The following SRP19 variants were observed in gnomAD, a reference collection of about 807,000 sequenced individuals.
SRP19 encodes the protein signal recognition particle 19.
In SRP19, 11 loss-of-function variants were observed where a neutral mutation model predicts 22.4. The ratio of observed to expected loss-of-function variants is 0.49; its 90% CI spans 0.31 to 0.81. The LOEUF is 0.81. SRP19 is among the 40% of genes least tolerant of loss of function. The pLI, the probability that SRP19 is intolerant of heterozygous loss-of-function variation, is 0.05. For missense variants in SRP19, 168 were observed against 175.9 expected (o/e 0.96, Z 0.25); for synonymous variants, 61 against 57.6 (o/e 1.06, Z -0.27).
chr5:112,878,839 T>C, intron 4 of SRP19: 1 of 1,613,960 alleles, frequency 6.2e-7, no homozygotes, highest in Non-Finnish European at 8.5e-7. Flanking sequence ...TTCTTCGCTG[T>C]TTGTTTGTTA....
chr5:112,888,033 G>A (rs945441390), intron 4 of SRP19, among the ~76,000 whole-genome samples: 2 of 152,106 alleles, frequency 1.3e-5, no homozygotes, highest in African/African-American at 4.8e-5. Flanking sequence ...TAGTTTAAAA[G>A]ATTCTAACCA....
exon 5 of SRP19, chr5:112,891,877 T>A: frequency 7.1e-7 from 1 of 1,415,014 alleles, no homozygotes; most frequent in Non-Finnish European, 1.0e-6. Flanking sequence ...ACATGAGGAG[T>A]GGTTGCTGAG....
downstream of SRP19, among the ~76,000 whole-genome samples, chr5:112,870,442 T>A (rs977180901): frequency 6.6e-6 from 1 of 152,040 alleles, no homozygotes; most frequent in Non-Finnish European, 1.5e-5. Context: ...GATCATGCTA[T>A]TCCACTCACC....
chr5:112,872,622 C>T (rs1042217632), downstream of SRP19, among the ~76,000 whole-genome samples: 4 of 152,096 alleles, frequency 2.6e-5, no homozygotes, highest in East Asian at 1.9e-4. Context: ...CCATTGTGCC[C>T]GGCCTCATCA....
At chr5:112,878,046 G>A (rs1219828651) in intron 4 of SRP19, 1 of 93,318 alleles carries the variant, frequency 1.1e-5, no homozygotes, top group East Asian at 6.0e-4. Context: ...TATCACTAGA[G>A]TGAGTAACTA....
chr5:112,879,826 C>T (rs1012151780), intron 4 of SRP19, among the ~76,000 whole-genome samples: 3 of 151,962 alleles, frequency 2.0e-5, no homozygotes, highest in Non-Finnish European at 2.9e-5. Flanking sequence ...TGCCTGTAAT[C>T]GCAGCACTTT....
In SRP19 at chr5:112,878,808, C is replaced by T. The variant is rs751774620; in HGVS notation, c.302-12795C>T. ...GGTTTAGGTGCTCTTCTTTTCTTCA[C>T]CCAGTAAATTCACGGTAGCTTTCTT... is the stretch of plus-strand genomic sequence containing the variant. On this transcript the variant is annotated intron_variant, in intron 4 of 4. Coordinates refer to the SRP19 transcript ENST00000391338. 3.7e-6 allele frequency: 6 copies of T among 1,614,090 alleles called. No homozygotes were observed. In the East Asian group the frequency reaches 1.3e-4, roughly 36 times the overall value.
chr5:112,864,859 T>C (rs1483515585), intron 4 of SRP19, 127 bp downstream of exon 4: 4 of 652,206 alleles, frequency 6.1e-6, no homozygotes, highest in Non-Finnish European at 1.0e-5. Flanking sequence ...AAGACAGGAC[T>C]ACTGCTCATG....
In SRP19 at chr5:112,878,662, C is replaced by A. The variant is rs1721845990; in HGVS notation, c.302-12941C>A. ...AAAGAAACTTACAACACATTCCAAT[C>A]TTTAATATCTCAAAAATGTTTCCAA... On this transcript the variant is annotated intron_variant, in intron 4 of 4. Transcript: ENST00000391338. 7 of 1,369,298 alleles carry A rather than the reference C, an allele frequency of 5.1e-6. No individual in the cohort carries two copies. In the Admixed American group the frequency reaches 1.2e-4, roughly 23 times the overall value. 84.8% of individuals were successfully genotyped at this position (1,369,298 alleles called of 1,614,324 possible).
At chr5:112,872,539 G>A (rs1369328327), downstream of SRP19, among the ~76,000 whole-genome samples, 1 of 152,114 alleles carries the variant, frequency 6.6e-6, no homozygotes, top group Non-Finnish European at 1.5e-5. Flanking sequence ...GTGTTGGCCA[G>A]GCTGGTCTCC....
chr5:112,867,298 C>T (rs754052166), intron 4 of SRP19, 106 bp from the exon 5 acceptor site: 44 of 1,334,528 alleles, frequency 3.3e-5, no homozygotes, highest in Middle Eastern at 2.0e-4. Flanking sequence ...AAGTTATTTT[C>T]CATTTTCTTG....
At chr5:112,896,494 C>CT (rs1396483674), downstream of SRP19, 2 of 151,904 alleles carry the variant, frequency 1.3e-5, no homozygotes, top group African/African-American at 4.8e-5. Flanking sequence ...CTTCACTCCA[C>CT]TCCAGCCTGA....
chr5:112,880,592 G>C (rs1293645699), intron 4 of SRP19, among the ~76,000 whole-genome samples: 2 of 152,324 alleles, frequency 1.3e-5, no homozygotes, highest in East Asian at 3.9e-4. Flanking sequence ...GAAATTCCTA[G>C]TTAATCCAAA....
chr5:112,869,777 A>T lies in SRP19; in HGVS notation c.*2240A>T, dbSNP rs565306440. 1 of 151,428 alleles carries T rather than the reference A, an allele frequency of 6.6e-6. No homozygotes were observed. Among genetic ancestry groups the T allele is most frequent in the South Asian group, 2.1e-4 (1 of 4,768 alleles). The allele number at this position is 151,428 out of a possible 1,614,324, so 9.4% of individuals were successfully genotyped here. ...CCTGGCGTTTCCCCTGCTTGCAGTC[A>T]CTCCATCTTGCTGCCCTGTGAAGGT... On this transcript the variant is annotated 3_prime_UTR_variant, in exon 5 of 5. Coordinates refer to ENST00000505459, the MANE Select transcript of SRP19 (RefSeq NM_003135.3).
At chr5:112,876,704 C>T (rs1286596210) in intron 4 of SRP19, 1 of 152,132 alleles carries the variant, frequency 6.6e-6, no homozygotes, top group Non-Finnish European at 1.5e-5. Flanking sequence ...CAAACTCTAG[C>T]CAAGGCAGTA....
At chr5:112,877,231 AAT>A (rs774071775) in intron 4 of SRP19, 4 of 152,162 alleles carry the variant, frequency 2.6e-5, no homozygotes, top group Non-Finnish European at 5.9e-5. Context: ...TGATATCTTT[AAT>A]ATTTTTTACA....
chr5:112,875,972 G>T (rs1430116838), intron 4 of SRP19, among the ~76,000 whole-genome samples: 9 of 151,858 alleles, frequency 5.9e-5, no homozygotes, highest in East Asian at 3.9e-4. Context: ...GCATGAACCC[G>T]GGAGGCGGCT....
chr5:112,891,065 A>G (rs189452684), intron 4 of SRP19, among the ~76,000 whole-genome samples: 1 of 150,308 alleles, frequency 6.7e-6, no homozygotes, highest in East Asian at 2.0e-4. Flanking sequence ...TATTTAAGCA[A>G]ATATTTATTT....
intron 4 of SRP19, among the ~76,000 whole-genome samples, chr5:112,879,513 A>G (rs1358902245): frequency 6.6e-6 from 1 of 152,028 alleles, no homozygotes; most frequent in Admixed American, 6.6e-5. Flanking sequence ...TCGCTCTGTC[A>G]CCCAGCCTGG....
Sources: allele counts gnomAD v4.1 joint callset (sites outside exome capture counted in the v4.1 genomes callset), GRCh38; gene constraint gnomAD v4.1.1; transcripts MANE v1.5; gene names NCBI Gene and HGNC (gene_info 2026-07-23, HGNC 2026-07-21).